The following CD320 variants were observed in gnomAD, a reference collection of about 807,000 sequenced individuals.
The protein encoded by CD320 is CD320 antigen.
A neutral mutation model predicts 22.1 loss-of-function variants in CD320; 16 were observed. The ratio of observed to expected loss-of-function variants is 0.73; its 90% CI spans 0.49 to 1.10. CD320 has a LOEUF of 1.10. CD320 is among the 50% of genes least tolerant of loss of function. The probability of loss-of-function intolerance (pLI) is 0.00; values close to 1 mark genes in which losing one functional copy is unlikely to be tolerated. For synonymous variants in CD320, 188 were observed against 167.8 expected, an observed-to-expected ratio of 1.12 and a Z score of -0.93; for missense variants, 388 against 376.9, an observed-to-expected ratio of 1.03 and a Z score of -0.24.
chr19:8,302,419 G>C lies in CD320; in HGVS notation c.*44C>G. 2 of 1,613,430 alleles carry C rather than the reference G, an allele frequency of 1.2e-6. No individual in the cohort carries two copies. Among genetic ancestry groups the C allele is most frequent in the Non-Finnish European group, 1.7e-6 (2 of 1,179,692 alleles). On this transcript the variant is annotated 3_prime_UTR_variant, in exon 5 of 5. Coordinates refer to ENST00000301458, the MANE Select transcript of CD320 (RefSeq NM_016579.4). ...CCGCATCACTGCTCTCCTCCTGTCCGGCTACGCCCAGGGCTGAGTGACGGT... is the reference window on the plus strand; with the variant it reads ...CCGCATCACTGCTCTCCTCCTGTCCCGCTACGCCCAGGGCTGAGTGACGGT...
At chr19:8,305,223 T>C in intron 1 of CD320, 67 bp from the exon 2 acceptor site, 1 of 1,538,440 alleles carries the variant, frequency 6.5e-7, no homozygotes, top group South Asian at 1.2e-5. Context: ...AGCACAGTAG[T>C]CACTGGCTGT....
chr19:8,303,114 C>CT lies in CD320; in HGVS notation c.503-135dup, dbSNP rs909856646. The CT allele has an allele frequency of 0.16, 79,504 of 510,822 alleles. 3,391 individuals are homozygous for CT. Among genetic ancestry groups the CT allele is most frequent in the Admixed American group, 0.22 (6,184 of 28,762 alleles). The allele number at this position is 510,822 out of a possible 1,614,324, so 31.6% of individuals were successfully genotyped here. ...TGAAGCTGACTGCCCGTAATTATGT[C>CT]TTTTTTTTTTTTTTTTTTTGGAGAG... On this transcript the variant is annotated intron_variant, in intron 3 of 4. Coordinates refer to ENST00000301458, the MANE Select transcript of CD320 (RefSeq NM_016579.4).
Position 8,305,379 on chromosome 19 carries a change from G to C in CD320, c.143-223C>G. ...TGGGCAGGTGCTACTGCACTCCCCA[G>C]GTTACAGAGAAAGGAACCAAGAGGA... On this transcript the variant is annotated intron_variant, in intron 1 of 4. Coordinates refer to ENST00000301458, the MANE Select transcript of CD320 (RefSeq NM_016579.4). 4 of 505,152 alleles carry C rather than the reference G, an allele frequency of 7.9e-6. No homozygotes were observed. In the South Asian group the frequency reaches 8.0e-5, roughly 10 times the overall value. The allele number at this position is 505,152 out of a possible 1,614,324, so 31.3% of individuals were successfully genotyped here.
At position 8,302,792 on chromosome 19, in the gene CD320, C is replaced by T. The variant is rs1464256614; in HGVS notation, c.691G>A (p.Val231Ile). ...DQSGSPTAYG[V>I]IAAAAVLSAS... ...TCCCTCTTACCAGCAGCTGCAATAA[C>T]CCCATAGGCAGTTGGGCTTCCAGAC... The change falls in exon 4 of 5, where the codon GTT becomes ATT. Residue 231 changes from valine to isoleucine, a missense_variant. Coordinates refer to ENST00000301458, the MANE Select transcript of CD320 (RefSeq NM_016579.4). 1.5e-5 allele frequency: 25 copies of T among 1,614,044 alleles called. No individual in the cohort carries two copies. The highest frequency in any genetic ancestry group is 2.1e-5 in the Non-Finnish European group (25 of 1,180,020).
rs750768529 is a variant in CD320, at chr19:8,308,216, G to GAGCAGC, written c.69_74dup (p.Leu24_Leu25dup). 14 of 1,575,318 alleles carry GAGCAGC rather than the reference G, an allele frequency of 8.9e-6. No homozygotes were observed. The highest frequency in any genetic ancestry group is 8.8e-5 in the Admixed American group (5 of 56,590). On this transcript the variant is annotated inframe_insertion, in exon 1 of 5. Transcript: ENST00000301458. ...CGGCCTCCAGGCCTAGTCCGAGGCC[G>GAGCAGC]AGCAGCAGCAGCAGCGCCAGGCCCA...
intron 4 of CD320, 43 bp downstream of exon 4, chr19:8,302,734 C>T (rs374222979): frequency 1.9e-5 from 30 of 1,610,160 alleles, no homozygotes; most frequent in East Asian, 2.2e-5. Flanking sequence ...CCTGAATCCC[C>T]GGAGCTCTAA....
chr19:8,307,543 A>T (rs934992749), intron 1 of CD320, among the ~76,000 whole-genome samples: 1 of 152,028 alleles, frequency 6.6e-6, no homozygotes, highest in Non-Finnish European at 1.5e-5. Flanking sequence ...TCAGAGAGGG[A>T]GCCCGTCCCC....
At chr19:8,307,407 G>A (rs778673022) in intron 1 of CD320, among the ~76,000 whole-genome samples, 3 of 152,112 alleles carry the variant, frequency 2.0e-5, no homozygotes, top group Non-Finnish European at 4.4e-5. Context: ...ATGAGTCCAG[G>A]GACCTAGAAG....
chr19:8,306,143 T>A (rs1332146936), intron 1 of CD320, among the ~76,000 whole-genome samples: 1 of 152,156 alleles, frequency 6.6e-6, no homozygotes, highest in Non-Finnish European at 1.5e-5. Flanking sequence ...CCCTACACCC[T>A]GTGTTTTCCC....
intron 1 of CD320, among the ~76,000 whole-genome samples, chr19:8,306,789 C>T (rs574108048): frequency 6.6e-6 from 1 of 152,324 alleles, no homozygotes; most frequent in Non-Finnish European, 1.5e-5. Context: ...TCCACCCAGG[C>T]GCAGACTTCC....
intron 2 of CD320, chr19:8,304,715 C>A: frequency 5.0e-5 from 9 of 180,138 alleles, no homozygotes; most frequent in East Asian, 1.3e-4. Context: ...CTTTTTTTTT[C>A]CTGAGACAGT....
At chr19:8,306,887 G>A (rs771271767) in intron 1 of CD320, among the ~76,000 whole-genome samples, 7 of 152,306 alleles carry the variant, frequency 4.6e-5, no homozygotes, top group South Asian at 4.1e-4. Context: ...AGCAGTCCCC[G>A]CCTCATAGGG....
At chr19:8,305,236 T>C (rs2232778) in intron 1 of CD320, 80 bp from the exon 2 acceptor site, 1,074,318 of 1,519,726 alleles carry the variant, frequency 0.71, 381,835 homozygotes, top group South Asian at 0.81. Context: ...CTGGCTGTGA[T>C]CCGCAGGAGA....
At chr19:8,306,869 T>G (rs1970095884) in intron 1 of CD320, among the ~76,000 whole-genome samples, 1 of 152,156 alleles carries the variant, frequency 6.6e-6, no homozygotes, top group Non-Finnish European at 1.5e-5. Flanking sequence ...AAGTGGACAG[T>G]AGAGCACAGC....
intron 2 of CD320, 184 bp downstream of exon 2, chr19:8,304,847 G>T (rs568154569): frequency 6.5e-6 from 4 of 618,634 alleles, no homozygotes; most frequent in Non-Finnish European, 1.2e-5. Context: ...GATTGCAGGC[G>T]TGAGCCACTG....
chr19:8,303,705 G>A (rs1031922705), intron 3 of CD320, 150 bp downstream of exon 3: 19 of 647,580 alleles, frequency 2.9e-5, no homozygotes, highest in Middle Eastern at 4.1e-4. Flanking sequence ...GTGAGCCACC[G>A]GGCCCGGCCC....
Position 8,302,478 on chromosome 19 carries a change from CTTCTG to C in CD320, c.829_833del (p.Gln277AspfsTer94). ...GTGCTTGTCCTCAGGGCAGCGAGGT[CTTCTG>C]TTCTGACAGCAGCAGGGACTCCTTC... On this transcript the variant is annotated frameshift_variant, in exon 5 of 5. Coordinates refer to ENST00000301458, the MANE Select transcript of CD320 (RefSeq NM_016579.4). LOFTEE classifies it high-confidence loss of function. 1.2e-6 allele frequency: 2 copies of C among 1,614,168 alleles called. No individual in the cohort carries two copies. The highest frequency in any genetic ancestry group is 1.7e-6 in the Non-Finnish European group (2 of 1,180,026).
At chr19:8,306,772 G>A (rs972674882) in intron 1 of CD320, among the ~76,000 whole-genome samples, 1 of 152,210 alleles carries the variant, frequency 6.6e-6, no homozygotes, top group Admixed American at 6.5e-5. Flanking sequence ...GCCTCCAGGT[G>A]TGGCTCTCCA....
rs1475800307 is a variant in CD320, at chr19:8,302,772, C to CT, written c.706+4dup. The CT allele has an allele frequency of 3.7e-6, 6 of 1,614,108 alleles. No homozygotes were observed. Among genetic ancestry groups the CT allele is most frequent in the Admixed American group, 1.7e-5 (1 of 60,012 alleles). On this transcript the variant is annotated splice_donor_region_variant and intron_variant, in intron 4 of 4. Transcript: ENST00000301458. Reference sequence around the variant, plus strand: ...CCCCAGCATGGGAGGGTAAGTCCCTCTTACCAGCAGCTGCAATAACCCCAT... The same window carrying CT: ...CCCCAGCATGGGAGGGTAAGTCCCTCTTTACCAGCAGCTGCAATAACCCCAT...
Sources: gnomAD v4.1 joint callset for allele counts (sites outside exome capture counted in the v4.1 genomes callset) on GRCh38, gnomAD v4.1.1 for gene constraint, MANE v1.5 for transcripts, NCBI Gene and HGNC (gene_info 2026-07-23, HGNC 2026-07-21) for gene names.